The following PDIA4 variants were observed in gnomAD, a reference collection of about 807,000 sequenced individuals.
The protein encoded by PDIA4 is protein disulfide-isomerase A4.
Under a neutral mutation model 62.1 loss-of-function variants are expected in PDIA4, and 33 were observed. The ratio of observed to expected loss-of-function variants is 0.53; its 90% CI spans 0.40 to 0.71. The LOEUF is 0.71. Among genes scored for constraint, PDIA4 ranks in the 30% least tolerant of loss-of-function variants. The pLI, the probability that PDIA4 is intolerant of heterozygous loss-of-function variation, is 0.00. For synonymous variants in PDIA4, 341 were observed against 324.1 expected, an observed-to-expected ratio of 1.05 and a Z score of -0.56; for missense variants, 804 against 813.6, an observed-to-expected ratio of 0.99 and a Z score of 0.14.
intron 9 of PDIA4, 139 bp downstream of exon 9, chr7:149,005,002 G>A (rs1020652478): frequency 3.6e-5 from 25 of 700,460 alleles, no homozygotes; most frequent in South Asian, 1.2e-4. Flanking sequence ...AGAGTCCCTC[G>A]GGGGTGAGAG....
intron 3 of PDIA4, among the ~76,000 whole-genome samples, chr7:149,017,018 C>T (rs1824161167): frequency 6.6e-6 from 1 of 152,192 alleles, no homozygotes; most frequent in Non-Finnish European, 1.5e-5. Flanking sequence ...GAGCCTCTCA[C>T]ACCACCTCAG....
chr7:149,017,526 G>A (rs1449227280), intron 3 of PDIA4, among the ~76,000 whole-genome samples: 1 of 152,098 alleles, frequency 6.6e-6, no homozygotes, highest in African/African-American at 2.4e-5. Flanking sequence ...GGAGGTTGCG[G>A]TGAGCTGAGA....
Position 149,014,944 on chromosome 7 carries a change from T to G in PDIA4, c.574A>C (p.Asn192His). The G allele has an allele frequency of 6.2e-7, 1 of 1,614,166 alleles. No homozygotes were observed. Among genetic ancestry groups the G allele is most frequent in the Non-Finnish European group, 8.5e-7 (1 of 1,179,992 alleles). Residue 192 changes from asparagine (N) to histidine (H), a missense_variant, in exon 4 of 10, where the codon AAT becomes CAT. By Grantham distance (68) the Asn-to-His change is moderately conservative. Transcript: ENST00000652332. The part of the protein sequence containing the change: ...LTKENFDEVV[N>H]DADIILVEFY... ...TCCACCAGAATGATATCTGCATCAT[T>G]CACAACTTCATCAAAGTTCTCTTTG...
At chr7:149,007,377 T>G (rs1005571669) in intron 7 of PDIA4, among the ~76,000 whole-genome samples, 1 of 152,144 alleles carries the variant, frequency 6.6e-6, no homozygotes, top group Non-Finnish European at 1.5e-5. Context: ...TATGGGCCAG[T>G]AGGACCTGGA....
intron 3 of PDIA4, among the ~76,000 whole-genome samples, chr7:149,015,455 C>T (rs1824095963): frequency 7.5e-6 from 1 of 133,722 alleles, no homozygotes; most frequent in East Asian, 2.1e-4. Context: ...TCATTCACAT[C>T]TAATGTTACT....
At chr7:149,017,876 C>T (rs1167680522) in intron 3 of PDIA4, among the ~76,000 whole-genome samples, 1 of 152,194 alleles carries the variant, frequency 6.6e-6, no homozygotes, top group Non-Finnish European at 1.5e-5. Context: ...TGGTTCTCAG[C>T]ACATGGCTTT....
intron 9 of PDIA4, 47 bp downstream of exon 9, chr7:149,005,094 G>A (rs1823696566): frequency 6.8e-7 from 1 of 1,463,662 alleles, no homozygotes; most frequent in African/African-American, 1.4e-5. Context: ...TTCCGCACGA[G>A]GAGCACAGCA....
chr7:149,020,927 AGC>A, intron 2 of PDIA4, 38 bp downstream of exon 2: 1 of 1,603,802 alleles, frequency 6.2e-7, no homozygotes, highest in South Asian at 1.1e-5. Flanking sequence ...AATGGAGCAC[AGC>A]GCTTGTCCAC....
chr7:149,006,621 C>A (rs545782381), intron 7 of PDIA4, among the ~76,000 whole-genome samples: 2 of 152,116 alleles, frequency 1.3e-5, no homozygotes, highest in African/African-American at 4.8e-5. Flanking sequence ...CACTGAAGGA[C>A]AAGAGGGCCC....
rs372098719 is a variant in PDIA4 at position 149,003,507 on chromosome 7, T to C, written c.*287A>G. ...AAAACATTTTCACACAGAAGAATTA[T>C]CTGCTTTGAGAAATAAAGAAATTAG... On this transcript the variant is annotated 3_prime_UTR_variant, in exon 10 of 10. Transcript: ENST00000652332. The C allele has an allele frequency of 1.6e-5, 5 of 305,324 alleles. No individual in the cohort carries two copies. Among genetic ancestry groups the C allele is most frequent in the South Asian group, 3.2e-4 (2 of 6,270 alleles). 18.9% of individuals were successfully genotyped at this position (305,324 alleles called of 1,614,324 possible).
Position 149,028,326 on chromosome 7 carries a change from T to C in PDIA4, c.83A>G (p.Asp28Gly). The stretch of plus-strand genomic sequence containing the variant: ...GCGGCGCGCTTGCCGCTCACCCTCG[T>C]CCGGGCCCTCGGCACCCGCCACGGC... ...LLAVAGAEGP[D>G]EDSSNRENAI... The change falls in exon 1 of 10, where the codon GAC becomes GGC. Residue 28 changes from aspartate (D) to glycine (G), a missense_variant. Coordinates refer to ENST00000652332, the MANE Select transcript of PDIA4 (RefSeq NM_004911.5). 1 of 1,521,410 alleles carries C rather than the reference T, an allele frequency of 6.6e-7. No homozygotes were observed. 94.2% of individuals were successfully genotyped at this position (1,521,410 alleles called of 1,614,324 possible).
chr7:149,005,770 G>T, intron 8 of PDIA4, 127 bp downstream of exon 8: 1 of 709,968 alleles, frequency 1.4e-6, no homozygotes. Context: ...ACGTGCAAGG[G>T]CCCCAGGCTG....
In PDIA4 at chr7:149,028,469, G is replaced by T. The variant is rs1460100646; in HGVS notation, c.-61C>A. ...CGGCCGCTGAGCGCACCGAGAACTC[G>T]GGGTCTGGCCGACAGCCCGTCGCTC... On this transcript the variant is annotated 5_prime_UTR_variant, in exon 1 of 10. Transcript: ENST00000652332. The T allele has an allele frequency of 8.3e-7, 1 of 1,207,240 alleles. No individual in the cohort carries two copies. Among genetic ancestry groups the T allele is most frequent in the Non-Finnish European group, 1.1e-6 (1 of 898,410 alleles). The allele number at this position is 1,207,240 out of a possible 1,614,324, so 74.8% of individuals were successfully genotyped here. A position where few individuals can be genotyped will look rare whatever the true frequency, so the allele number is the denominator to read the frequency against.
At chr7:149,017,710 C>T (rs1824191965) in intron 3 of PDIA4, among the ~76,000 whole-genome samples, 1 of 149,134 alleles carries the variant, frequency 6.7e-6, no homozygotes, top group Admixed American at 6.6e-5. Flanking sequence ...AAATTAAATA[C>T]ATTTTATCGA....
At chr7:149,006,318 A>G in intron 7 of PDIA4, 1 of 399,100 alleles carries the variant, frequency 2.5e-6, no homozygotes, top group Non-Finnish European at 4.5e-6. Flanking sequence ...TAGGCTCACT[A>G]ACCCCACAAA....
intron 1 of PDIA4, 37 bp downstream of exon 1, chr7:149,028,284 C>G: frequency 2.0e-6 from 3 of 1,464,182 alleles, no homozygotes; most frequent in Non-Finnish European, 2.8e-6. Flanking sequence ...GCAGCCCCCG[C>G]AAGCACAGCC....
In PDIA4 at chr7:149,003,943, C is replaced by T. The variant is rs749787555; in HGVS notation, c.1789G>A (p.Val597Met). The T allele has an allele frequency of 6.2e-6, 10 of 1,613,768 alleles. No individual in the cohort carries two copies. The highest frequency in any genetic ancestry group is 8.5e-6 in the Non-Finnish European group (10 of 1,179,724). ...AAGTAGATGGTGGGGAAGCCCTCCA[C>T]CTTATAGCGGTCGCTGGGGACGTCG... ...ANDVPSDRYK[V>M]EGFPTIYFAP... The change falls in exon 10 of 10, where the codon GTG (valine) becomes ATG (methionine). Residue 597 changes from valine to methionine, a missense_variant. Transcript: ENST00000652332.
intron 1 of PDIA4, among the ~76,000 whole-genome samples, chr7:149,023,329 C>T (rs1824421067): frequency 6.6e-6 from 1 of 152,178 alleles, no homozygotes; most frequent in Admixed American, 6.5e-5. Context: ...CTGCTCTGTG[C>T]TATTTAGAAA....
chr7:149,026,339 T>A (rs945757693), intron 1 of PDIA4, among the ~76,000 whole-genome samples: 2 of 151,650 alleles, frequency 1.3e-5, no homozygotes, highest in Admixed American at 6.6e-5. Flanking sequence ...TGAGACCCCA[T>A]CTCTACCAAA....
Sources: gnomAD v4.1 joint callset for allele counts (sites outside exome capture counted in the v4.1 genomes callset) on GRCh38, gnomAD v4.1.1 for gene constraint, MANE v1.5 for transcripts, NCBI Gene and HGNC (gene_info 2026-07-23, HGNC 2026-07-21) for gene names.